RASSF3: variants seen among roughly 807,000 people sequenced by gnomAD.
The protein encoded by RASSF3 is Ras association domain family member 3.
In RASSF3, 19 loss-of-function variants were observed where a neutral mutation model predicts 19.9. That is an observed-to-expected ratio of 0.96 (90% CI 0.67 to 1.40). RASSF3 has a LOEUF of 1.40. Among genes scored for constraint, RASSF3 ranks in the 40% most tolerant of loss-of-function variants. The pLI is 0.00. For missense variants in RASSF3, 306 were observed against 289.8 expected (o/e 1.06, Z -0.41); for synonymous variants, 110 against 104.2 (o/e 1.06, Z -0.34).
intron 1 of RASSF3, among the ~76,000 whole-genome samples, chr12:64,521,650 C>T (rs1208655083): frequency 6.6e-6 from 1 of 152,154 alleles, no homozygotes. Flanking sequence ...TTCTTCCATG[C>T]GTCTATGTCG....
chr12:64,562,122 C>T (rs1344489349), intron 2 of RASSF3, among the ~76,000 whole-genome samples: 1 of 151,990 alleles, frequency 6.6e-6, no homozygotes, highest in Non-Finnish European at 1.5e-5. Flanking sequence ...CTCACTGCAA[C>T]CTCTGCCTCC....
chr12:64,522,227 C>T (rs538749653), intron 1 of RASSF3, among the ~76,000 whole-genome samples: 3 of 152,072 alleles, frequency 2.0e-5, no homozygotes, highest in East Asian at 3.9e-4. Context: ...GGATATTCTC[C>T]GGGCTCAAAA....
intron 1 of RASSF3, among the ~76,000 whole-genome samples, chr12:64,535,962 C>G (rs1307629237): frequency 6.7e-6 from 1 of 148,802 alleles, no homozygotes; most frequent in African/African-American, 2.5e-5. Flanking sequence ...GCTGGGATTA[C>G]AGGTGTGAAC....
intron 1 of RASSF3, among the ~76,000 whole-genome samples, chr12:64,537,399 C>T (rs1012972800): frequency 8.5e-5 from 13 of 152,184 alleles, no homozygotes; most frequent in Non-Finnish European, 1.9e-4. Context: ...CAAAGTCTCA[C>T]AGCTAAAAAG....
At chr12:64,559,225 ATTTTC>A (rs1446149567) in intron 2 of RASSF3, among the ~76,000 whole-genome samples, 4 of 145,848 alleles carry the variant, frequency 2.7e-5, no homozygotes, top group African/African-American at 1.0e-4. Context: ...CTGTGGGTCC[ATTTTC>A]TTTTCTTCTT....
chr12:64,694,029 G>A (rs957211304), intron 4 of RASSF3, among the ~76,000 whole-genome samples: 4 of 152,076 alleles, frequency 2.6e-5, no homozygotes, highest in African/African-American at 7.2e-5. Flanking sequence ...AGGATGAGTA[G>A]TTCATAGCCA....
At chr12:64,544,447 C>T (rs953724283), downstream of RASSF3, among the ~76,000 whole-genome samples, 5 of 152,112 alleles carry the variant, frequency 3.3e-5, no homozygotes, top group African/African-American at 1.2e-4. Context: ...TTCTTGAAGT[C>T]CCTGAGACCA....
chr12:64,669,691 C>A (rs115827249), intron 1 of RASSF3, among the ~76,000 whole-genome samples: 2,389 of 151,814 alleles, frequency 0.016, 60 homozygotes, highest in African/African-American at 0.055. Context: ...AAGCAGCAGA[C>A]CACGGCCAGG....
At chr12:64,626,718 T>A (rs921941234) in intron 1 of RASSF3, among the ~76,000 whole-genome samples, 56 of 152,174 alleles carry the variant, frequency 3.7e-4, no homozygotes, top group African/African-American at 1.3e-3. Context: ...CATTCTACCA[T>A]GCCTGGCTAA....
intron 1 of RASSF3, among the ~76,000 whole-genome samples, chr12:64,520,247 C>T (rs1017519414): frequency 6.6e-6 from 1 of 151,208 alleles, no homozygotes; most frequent in Non-Finnish European, 1.5e-5. Context: ...CAGCTCACTC[C>T]AACTTTCACC....
intron 1 of RASSF3, among the ~76,000 whole-genome samples, chr12:64,630,898 A>G (rs1871148399): frequency 6.6e-6 from 1 of 152,178 alleles, no homozygotes; most frequent in Non-Finnish European, 1.5e-5. Flanking sequence ...CATTCAGGCA[A>G]TCAATATATG....
intron 2 of RASSF3, among the ~76,000 whole-genome samples, chr12:64,597,247 C>T (rs1200038357): frequency 1.3e-5 from 2 of 151,734 alleles, no homozygotes; most frequent in Non-Finnish European, 2.9e-5. Flanking sequence ...GTTCTCCTTC[C>T]TCAGCCCCTC....
At chr12:64,564,478 G>A (rs555507941) in intron 2 of RASSF3, among the ~76,000 whole-genome samples, 18 of 152,116 alleles carry the variant, frequency 1.2e-4, no homozygotes, top group African/African-American at 4.1e-4. Flanking sequence ...CGCCTCCCAG[G>A]TTCAAGCTAT....
intron 4 of RASSF3, among the ~76,000 whole-genome samples, chr12:64,693,767 A>G (rs1326024307): frequency 6.6e-6 from 1 of 152,248 alleles, no homozygotes; most frequent in Non-Finnish European, 1.5e-5. Context: ...AATAAGTACT[A>G]GGAGCTGTTA....
chr12:64,638,449 G>A (rs1003665093), intron 1 of RASSF3, among the ~76,000 whole-genome samples: 2 of 151,840 alleles, frequency 1.3e-5, no homozygotes, highest in African/African-American at 2.4e-5. Context: ...GCGTGGTGGC[G>A]GGCGCCTGTA....
downstream of RASSF3, among the ~76,000 whole-genome samples, chr12:64,543,007 C>T (rs1199570273): frequency 7.0e-6 from 1 of 143,114 alleles, no homozygotes; most frequent in Non-Finnish European, 1.5e-5. Context: ...GGCGGGGCCC[C>T]GCACTTGGAG....
upstream of RASSF3, among the ~76,000 whole-genome samples, chr12:64,605,813 G>A (rs974910817): frequency 4.6e-5 from 7 of 151,298 alleles, no homozygotes; most frequent in Non-Finnish European, 1.0e-4. Context: ...GCTTGAACCC[G>A]GGAGGTGGAG....
At chr12:64,642,992 T>C (rs1871599262) in intron 1 of RASSF3, among the ~76,000 whole-genome samples, 1 of 151,954 alleles carries the variant, frequency 6.6e-6, no homozygotes, top group Admixed American at 6.6e-5. Flanking sequence ...CAGCCTCAGC[T>C]GGGACTACAG....
intron 1 of RASSF3, among the ~76,000 whole-genome samples, chr12:64,616,302 T>C (rs1270189958): frequency 6.6e-6 from 1 of 152,216 alleles, no homozygotes; most frequent in African/African-American, 2.4e-5. Context: ...AAAACATTTT[T>C]GAAAAGAAAG....
Sources: gnomAD v4.1 joint callset for allele counts (sites outside exome capture counted in the v4.1 genomes callset) on GRCh38, gnomAD v4.1.1 for gene constraint, MANE v1.5 for transcripts, NCBI Gene and HGNC (gene_info 2026-07-23, HGNC 2026-07-21) for gene names.